Variants in ZCCHC7 observed in about 807,000 individuals in gnomAD.
ZCCHC7 encodes the protein zinc finger CCHC-type containing 7.
ZCCHC7 carries 35 observed loss-of-function variants against 52.0 expected under a neutral mutation model. That is an observed-to-expected ratio of 0.67 (90% CI 0.51 to 0.89). ZCCHC7 has a LOEUF of 0.89. Among genes scored for constraint, ZCCHC7 ranks in the 40% least tolerant of loss-of-function variants. The probability of loss-of-function intolerance (pLI) is 0.00; values close to 1 mark genes in which losing one functional copy is unlikely to be tolerated. For synonymous variants in ZCCHC7, 217 were observed against 221.5 expected (o/e 0.98, Z 0.18); for missense variants, 574 against 649.1 (o/e 0.88, Z 1.26).
Position 37,354,920 on chromosome 9 carries a change from CA to C in ZCCHC7, c.1198+97del. On this transcript the variant is annotated intron_variant, in intron 8 of 8. Coordinates refer to ENST00000336755, the MANE Select transcript of ZCCHC7 (RefSeq NM_032226.3). The surrounding 1 kb of genome is among the most constrained non-coding windows in gnomAD (Gnocchi z 4.0). ...GCCTGCTTTGGGGGTCATTGGTTAG[CA>C]TAGAAAGTATTTTTAGTAATTACCA... The C allele has an allele frequency of 1.4e-6, 1 of 722,676 alleles. No homozygotes were observed. Among genetic ancestry groups the C allele is most frequent in the Non-Finnish European group, 2.2e-6 (1 of 451,722 alleles). 44.8% of individuals were successfully genotyped at this position (722,676 alleles called of 1,614,324 possible). A position where few individuals can be genotyped will look rare whatever the true frequency, so the allele number is the denominator to read the frequency against.
intron 2 of ZCCHC7, among the ~76,000 whole-genome samples, chr9:37,145,739 T>A (rs1010878184): frequency 6.6e-6 from 1 of 151,988 alleles, no homozygotes; most frequent in African/African-American, 2.4e-5. Context: ...CTTAAAAAAA[T>A]TCTTATTAAA....
At chr9:37,230,904 C>G (rs1258634608) in intron 2 of ZCCHC7, among the ~76,000 whole-genome samples, 1 of 152,018 alleles carries the variant, frequency 6.6e-6, no homozygotes, top group Non-Finnish European at 1.5e-5. Context: ...TTTTACACCA[C>G]TTACAAACGT....
intron 6 of ZCCHC7, among the ~76,000 whole-genome samples, chr9:37,330,803 A>C (rs965345535): frequency 7.3e-5 from 11 of 150,506 alleles, no homozygotes; most frequent in African/African-American, 2.4e-4. Flanking sequence ...CCCTTCCCCC[A>C]CCCCCTGTCA....
chr9:37,122,899 T>G (rs1296865739), intron 1 of ZCCHC7, among the ~76,000 whole-genome samples: 1 of 152,210 alleles, frequency 6.6e-6, no homozygotes, highest in Non-Finnish European at 1.5e-5. Flanking sequence ...ATTGCGCCAC[T>G]GCACTCTCAC....
chr9:37,170,931 A>G (rs900107188), intron 2 of ZCCHC7, among the ~76,000 whole-genome samples: 2 of 152,212 alleles, frequency 1.3e-5, no homozygotes, highest in African/African-American at 2.4e-5. Context: ...CAAAAGCTCA[A>G]AAGGTTTAAG....
chr9:37,132,492 C>T (rs1178542574), intron 2 of ZCCHC7, among the ~76,000 whole-genome samples: 2 of 151,514 alleles, frequency 1.3e-5, no homozygotes, highest in African/African-American at 4.9e-5. Flanking sequence ...TATTTTGAAG[C>T]TCATCAGACA....
chr9:37,155,251 C>A (rs892361806), intron 2 of ZCCHC7, among the ~76,000 whole-genome samples: 7 of 152,006 alleles, frequency 4.6e-5, no homozygotes, highest in African/African-American at 1.7e-4. Context: ...GTCCCGGCTA[C>A]TCGGGAGGCT....
chr9:37,255,348 A>G (rs1439605527), intron 2 of ZCCHC7, among the ~76,000 whole-genome samples: 1 of 152,096 alleles, frequency 6.6e-6, no homozygotes, highest in East Asian at 1.9e-4. Flanking sequence ...AAGCATTGTG[A>G]TACCTTAACA....
intron 2 of ZCCHC7, among the ~76,000 whole-genome samples, chr9:37,286,532 CA>C (rs1828214889): frequency 6.6e-6 from 1 of 151,956 alleles, no homozygotes; most frequent in Admixed American, 6.5e-5. Context: ...CTTGAATTCT[CA>C]GCTACTCGGG....
chr9:37,292,571 C>T (rs1223491727), intron 2 of ZCCHC7, among the ~76,000 whole-genome samples: 2 of 151,568 alleles, frequency 1.3e-5, no homozygotes, highest in African/African-American at 4.9e-5. Flanking sequence ...TAATTAAATC[C>T]TCTTTTATTA....
Position 37,151,359 on chromosome 9 carries a change from A to G in ZCCHC7, c.610+24417A>G, listed in dbSNP as rs957963847. Reference sequence around the variant, plus strand: ...GTGAGAGTAAACCTTTTCTGTATATAAAACGATCATTCTGTATACTTCATT... The same window carrying G: ...GTGAGAGTAAACCTTTTCTGTATATGAAACGATCATTCTGTATACTTCATT... On this transcript the variant is annotated intron_variant, in intron 2 of 8. Transcript: ENST00000336755. 8.5e-5 allele frequency among the ~76,000 whole-genome samples: 13 copies of G among 152,196 alleles called. 1 individual carries two copies. Among genetic ancestry groups the G allele is most frequent in the South Asian group, 8.3e-4 (4 of 4,834 alleles).
chr9:37,193,769 T>C (rs1252490352), intron 2 of ZCCHC7, among the ~76,000 whole-genome samples: 1 of 152,186 alleles, frequency 6.6e-6, no homozygotes. Flanking sequence ...TGCCCTGCTC[T>C]TACTACAAAA....
At chr9:37,273,270 G>A (rs1484965959) in intron 2 of ZCCHC7, among the ~76,000 whole-genome samples, 3 of 152,118 alleles carry the variant, frequency 2.0e-5, no homozygotes, top group Admixed American at 1.3e-4. Context: ...TTGGGAGGCC[G>A]AGGTGGGCAG....
chr9:37,305,665 C>A lies in ZCCHC7; in HGVS notation c.902C>A (p.Ser301Tyr), dbSNP rs759266265. ...GACCACTCATGTCTTTTCAGACATT[C>A]CTGGGATAAACAGTGTGACCGATGT... is the stretch of plus-strand genomic sequence containing the variant. ...MLDHSCLFRH[S>Y]WDKQCDRCHM... is the part of the protein sequence containing the mutation. Residue 301 changes from serine (S) to tyrosine (Y), a missense_variant, in exon 5 of 9, where the codon TCC (serine) becomes TAC (tyrosine). Ser to Tyr is a moderately radical substitution (Grantham distance 144, BLOSUM62 -2). Coordinates refer to ENST00000336755, the MANE Select transcript of ZCCHC7 (RefSeq NM_032226.3). 6.2e-7 allele frequency: 1 copy of A among 1,614,038 alleles called. No homozygotes were observed. Among genetic ancestry groups the A allele is most frequent in the Non-Finnish European group, 8.5e-7 (1 of 1,180,012 alleles).
intron 2 of ZCCHC7, chr9:37,284,241 C>T (rs1208619800): frequency 3.9e-5 from 6 of 152,036 alleles, no homozygotes; most frequent in Admixed American, 3.9e-4. Flanking sequence ...AAACCATGAG[C>T]CATTGAGTTT....
At chr9:37,203,303 T>A (rs1328261641) in intron 2 of ZCCHC7, among the ~76,000 whole-genome samples, 1 of 152,214 alleles carries the variant, frequency 6.6e-6, no homozygotes, top group Non-Finnish European at 1.5e-5. Flanking sequence ...TATTTTTCTT[T>A]AAAAAATTTT....
chr9:37,293,949 T>C (rs1228725148), intron 2 of ZCCHC7, among the ~76,000 whole-genome samples: 4 of 152,146 alleles, frequency 2.6e-5, no homozygotes, highest in Non-Finnish European at 5.9e-5. Context: ...ACACACATGT[T>C]AAAAATAAAA....
intron 5 of ZCCHC7, 26 bp from the exon 6 acceptor site, chr9:37,327,773 A>G: frequency 6.2e-7 from 1 of 1,612,730 alleles, no homozygotes; most frequent in Non-Finnish European, 8.5e-7. Flanking sequence ...TCATGCTCCC[A>G]GCTGATCAAT....
At chr9:37,141,262 T>C (rs1492714) in intron 2 of ZCCHC7, among the ~76,000 whole-genome samples, 50,349 of 151,576 alleles carry the variant, frequency 0.33, 8,719 homozygotes, top group Middle Eastern at 0.41. Flanking sequence ...TTTTTCTTTT[T>C]TGTTATTTTG....
Sources: gnomAD v4.1 joint callset for allele counts (sites outside exome capture counted in the v4.1 genomes callset) on GRCh38, gnomAD v4.1.1 for gene constraint, Gnocchi (gnomAD v3.1) non-coding constraint, MANE v1.5 for transcripts, NCBI Gene and HGNC (gene_info 2026-07-23, HGNC 2026-07-21) for gene names.